Variants in UST observed in about 807,000 individuals in gnomAD.
The protein encoded by UST is uronyl 2-sulfotransferase.
Under a neutral mutation model 45.6 loss-of-function variants are expected in UST, and 21 were observed. The ratio of observed to expected loss-of-function variants is 0.46; its 90% confidence interval spans 0.33 to 0.66. The LOEUF (loss-of-function observed/expected upper bound fraction) is 0.66. UST is among the 30% of genes least tolerant of loss of function. UST has a pLI of 0.02. For synonymous variants in UST, 215 were observed against 200.6 expected, an observed-to-expected ratio of 1.07 and a Z score of -0.61; for missense variants, 463 against 512.4, an observed-to-expected ratio of 0.90 and a Z score of 0.93.
chr6:148,760,357 T>C (rs2114655818), intron 1 of UST, among the ~76,000 whole-genome samples: 1 of 152,320 alleles, frequency 6.6e-6, no homozygotes, highest in South Asian at 2.1e-4. Context: ...TCCTCCCGGT[T>C]GCCTGCTACT....
chr6:148,869,196 G>C (rs555757799), intron 1 of UST, among the ~76,000 whole-genome samples: 1 of 152,284 alleles, frequency 6.6e-6, no homozygotes, highest in South Asian at 2.1e-4. Context: ...TTTGGCTTTG[G>C]TGTAGTTTTG....
intron 5 of UST, among the ~76,000 whole-genome samples, chr6:149,008,813 A>G (rs1775757049): frequency 6.6e-6 from 1 of 152,224 alleles, no homozygotes; most frequent in African/African-American, 2.4e-5. Context: ...TCATTCCCAA[A>G]GTATTTGAAT....
intron 4 of UST, among the ~76,000 whole-genome samples, chr6:148,962,878 ATGGGGGC>A (rs1250279049): frequency 2.0e-5 from 3 of 152,234 alleles, no homozygotes; most frequent in Non-Finnish European, 4.4e-5. Flanking sequence ...ACAGAAAAGG[ATGGGGGC>A]TTGTTATTAC....
Position 148,966,092 on chromosome 6 carries a change from C to T in UST, c.681+1529C>T, listed in dbSNP as rs1170170386. Reference sequence around the variant, plus strand: ...TACAAAAATTAGCCGAGCATGGTGGCGCATGCCTGTGATCCCAGCGAATTG... The same window carrying T: ...TACAAAAATTAGCCGAGCATGGTGGTGCATGCCTGTGATCCCAGCGAATTG... On this transcript the variant is annotated intron_variant, in intron 5 of 7. Coordinates refer to ENST00000367463, the MANE Select transcript of UST (RefSeq NM_005715.3). 3.3e-5 allele frequency among the ~76,000 whole-genome samples: 5 copies of T among 151,868 alleles called. No homozygotes were observed. The South Asian group carries it at 1.0e-3, about 32-fold the overall frequency.
chr6:148,897,355 A>G (rs1213184760), intron 2 of UST, among the ~76,000 whole-genome samples: 3 of 151,204 alleles, frequency 2.0e-5, no homozygotes, highest in African/African-American at 7.3e-5. Flanking sequence ...TTCAGTAGAG[A>G]TGGGGTTTCA....
intron 1 of UST, among the ~76,000 whole-genome samples, chr6:148,756,717 A>G (rs1402953444): frequency 6.6e-6 from 1 of 152,194 alleles, no homozygotes; most frequent in African/African-American, 2.4e-5. Context: ...ATCATCTGTG[A>G]GCAAGCACCT....
At chr6:148,832,705 G>T (rs993136832) in intron 1 of UST, among the ~76,000 whole-genome samples, 1 of 152,210 alleles carries the variant, frequency 6.6e-6, no homozygotes, top group Non-Finnish European at 1.5e-5. Context: ...AAATCCAGTG[G>T]CATGAGCCTT....
At chr6:149,005,901 C>G (rs1775676112) in intron 5 of UST, among the ~76,000 whole-genome samples, 1 of 152,132 alleles carries the variant, frequency 6.6e-6, no homozygotes, top group Non-Finnish European at 1.5e-5. Context: ...CAATCACACC[C>G]AGGACAGCGG....
intron 1 of UST, among the ~76,000 whole-genome samples, chr6:148,795,102 G>A (rs975634402): frequency 6.6e-6 from 1 of 152,222 alleles, no homozygotes; most frequent in African/African-American, 2.4e-5. Context: ...TTGCAAAGAA[G>A]CCTTTCTGTA....
chr6:149,041,431 G>A (rs2115031216), intron 7 of UST, among the ~76,000 whole-genome samples: 1 of 152,344 alleles, frequency 6.6e-6, no homozygotes, highest in African/African-American at 2.4e-5. Context: ...TGACTGGCCT[G>A]TTGAGGTTCA....
intron 1 of UST, among the ~76,000 whole-genome samples, chr6:148,847,971 A>C (rs939550178): frequency 1.3e-5 from 2 of 152,196 alleles, no homozygotes; most frequent in Non-Finnish European, 2.9e-5. Context: ...TGGGTTAAAG[A>C]GATTGGCAGA....
chr6:149,057,392 G>T (rs1776580064), intron 7 of UST, among the ~76,000 whole-genome samples: 2 of 152,168 alleles, frequency 1.3e-5, no homozygotes, highest in Non-Finnish European at 2.9e-5. Flanking sequence ...GTGATAGATT[G>T]ATTTCATGTA....
At chr6:148,970,735 T>C (rs962490226) in intron 5 of UST, among the ~76,000 whole-genome samples, 3 of 152,318 alleles carry the variant, frequency 2.0e-5, no homozygotes, top group South Asian at 4.1e-4. Flanking sequence ...GTGCCCAGGC[T>C]GCCCAGGGGT....
chr6:148,941,701 T>G (rs1441207416), intron 3 of UST, among the ~76,000 whole-genome samples: 2 of 152,230 alleles, frequency 1.3e-5, no homozygotes, highest in African/African-American at 4.8e-5. Context: ...TAGCTAAAAT[T>G]AGCGATATAT....
chr6:148,885,916 A>G (rs1778904211), intron 1 of UST, among the ~76,000 whole-genome samples: 2 of 152,214 alleles, frequency 1.3e-5, no homozygotes, highest in South Asian at 2.1e-4. Context: ...GTTCCGTTCC[A>G]TGATTTTCTA....
rs572657208 is a variant in UST, at chr6:148,766,371, C to A, written c.247+18694C>A. On this transcript the variant is annotated intron_variant, in intron 1 of 7. Transcript: ENST00000367463. ...TCACCCACTTGCTCTCACCCACTCA[C>A]CCACTTGCTCTCACCCACGCACCCA... Among the ~76,000 whole-genome samples, 13 of 152,172 alleles carry A rather than the reference C, an allele frequency of 8.5e-5. No homozygotes were observed. The East Asian group carries it at 1.4e-3, about 16-fold the overall frequency.
Position 148,964,458 on chromosome 6 carries a change from C to T in UST, c.576C>T (p.Val192=). 1 of 1,614,220 alleles carries T rather than the reference C, an allele frequency of 6.2e-7. No homozygotes were observed. The highest frequency in any genetic ancestry group is 8.5e-7 in the Non-Finnish European group (1 of 1,180,046). The change falls in exon 5 of 8, where the codon GTC becomes GTT. Residue 192 remains valine, a synonymous_variant. Coordinates refer to ENST00000367463, the MANE Select transcript of UST (RefSeq NM_005715.3). The part of the protein sequence containing the change: ...PVYINIIRDP[V]NRFLSNYFFR... ...ACATCAACATCATTAGAGACCCCGT[C>T]AACCGGTTCTTATCCAACTATTTTT... is the stretch of plus-strand genomic sequence containing the variant.
At chr6:148,865,704 GTGTGTGTGT>G (rs1562281706) in intron 1 of UST, among the ~76,000 whole-genome samples, 3,195 of 147,012 alleles carry the variant, frequency 0.022, 113 homozygotes, top group African/African-American at 0.07. Flanking sequence ...GTGTGTGTGT[GTGTGTGTGT>G]GAATTCAGAG....
chr6:149,027,251 A>G (rs2115023010), intron 7 of UST, among the ~76,000 whole-genome samples: 1 of 152,356 alleles, frequency 6.6e-6, no homozygotes. Context: ...TCAAATTTTA[A>G]TCCATCAATA....
Sources: allele counts gnomAD v4.1 joint callset (sites outside exome capture counted in the v4.1 genomes callset), GRCh38; gene constraint gnomAD v4.1.1; transcripts MANE v1.5; gene names NCBI Gene and HGNC (gene_info 2026-07-23, HGNC 2026-07-21).